Variants in OSBPL1A observed in about 807,000 individuals in gnomAD.
OSBPL1A encodes oxysterol binding protein like 1A, also known as oxysterol-binding protein-related protein 1.
A neutral mutation model predicts 137.1 loss-of-function variants in OSBPL1A; 80 were observed. The observed-to-expected ratio is 0.58, with a 90% CI of 0.49 to 0.70. The LOEUF (loss-of-function observed/expected upper bound fraction) is 0.70, where lower values mean the gene tolerates loss of function less well. Ranked by LOEUF, OSBPL1A falls within the 30% of genes least tolerant of loss-of-function variation. The probability of loss-of-function intolerance (pLI) is 0.00; values close to 1 mark genes in which losing one functional copy is unlikely to be tolerated. For synonymous variants in OSBPL1A, 365 were observed against 389.7 expected, an observed-to-expected ratio of 0.94 and a Z score of 0.75; for missense variants, 970 against 1,129.4, an observed-to-expected ratio of 0.86 and a Z score of 2.02.
intron 7 of OSBPL1A, among the ~76,000 whole-genome samples, chr18:24,320,057 G>T (rs1463214479): frequency 1.3e-5 from 2 of 151,802 alleles, no homozygotes; most frequent in Non-Finnish European, 2.9e-5. Context: ...CTGCACTCCA[G>T]ACTGGGTGAC....
intron 2 of OSBPL1A, among the ~76,000 whole-genome samples, chr18:24,369,873 C>T (rs1465615848): frequency 1.3e-5 from 2 of 152,166 alleles, no homozygotes; most frequent in South Asian, 2.1e-4. Flanking sequence ...CAGGTGGGGT[C>T]CCCCATCCCC....
Position 24,271,633 on chromosome 18 carries a change from C to A in OSBPL1A, c.1281+9209G>T. ...ATACACCCACCTACCTGGGCCAGAT[C>A]CGAGGACCCCGGCTGGCGCGCTCCA... On this transcript the variant is annotated intron_variant, in intron 15 of 27. Coordinates refer to ENST00000319481, the MANE Select transcript of OSBPL1A (RefSeq NM_080597.4). This position sits in a 1 kb window ranked among gnomAD's most constrained non-coding sequence, Gnocchi z 4.0. 1.0e-6 allele frequency: 1 copy of A among 985,800 alleles called. No individual in the cohort carries two copies. Among genetic ancestry groups the A allele is most frequent in the Non-Finnish European group, 1.2e-6 (1 of 830,208 alleles). 61.1% of individuals were successfully genotyped at this position (985,800 alleles called of 1,614,324 possible).
chr18:24,257,297 C>T (rs1004562734), intron 15 of OSBPL1A, among the ~76,000 whole-genome samples: 16 of 152,022 alleles, frequency 1.1e-4, no homozygotes, highest in African/African-American at 1.5e-4. Context: ...ACCAATGGAA[C>T]GGAATACAGA....
intron 6 of OSBPL1A, among the ~76,000 whole-genome samples, chr18:24,333,487 A>T (rs1203358801): frequency 6.6e-6 from 1 of 152,234 alleles, no homozygotes; most frequent in African/African-American, 2.4e-5. Flanking sequence ...AAATGTGTAA[A>T]TGTCAAGGTT....
intron 5 of OSBPL1A, among the ~76,000 whole-genome samples, chr18:24,337,375 TTAACATAACA>T (rs71375133): frequency 9.9e-4 from 140 of 141,408 alleles, no homozygotes; most frequent in South Asian, 3.5e-3. Flanking sequence ...AAACATAACA[TTAACATAACA>T]TAACATAACA....
chr18:24,181,404 A>C (rs964706361), intron 18 of OSBPL1A, 125 bp from the exon 19 acceptor site: 1 of 1,062,930 alleles, frequency 9.4e-7, no homozygotes, highest in Admixed American at 2.7e-5. Flanking sequence ...AAATTTCATC[A>C]ATATTGGTTC....
At chr18:24,308,905 G>A (rs2090561459) in intron 13 of OSBPL1A, among the ~76,000 whole-genome samples, 1 of 152,036 alleles carries the variant, frequency 6.6e-6, no homozygotes, top group Non-Finnish European at 1.5e-5. Flanking sequence ...AGAGTAGCTG[G>A]GACTACAGGC....
intron 2 of OSBPL1A, among the ~76,000 whole-genome samples, chr18:24,376,726 C>A (rs1293537530): frequency 6.6e-6 from 1 of 152,242 alleles, no homozygotes; most frequent in East Asian, 1.9e-4. Flanking sequence ...CCCTGCCCCG[C>A]AGGAAGGCAG....
At chr18:24,262,722 T>TCATGTGACCCTTTCACGGTCACTCTCCCC (rs2089469969) in intron 15 of OSBPL1A, among the ~76,000 whole-genome samples, 1 of 106,124 alleles carries the variant, frequency 9.4e-6, no homozygotes, top group Non-Finnish European at 1.7e-5. Flanking sequence ...CCCCAAGTTC[T>TCATGTGACCCTTTCACGGTCACTCTCCCC]CATGTGCCCC....
At chr18:24,319,498 T>G (rs1222396352) in intron 7 of OSBPL1A, among the ~76,000 whole-genome samples, 3 of 152,134 alleles carry the variant, frequency 2.0e-5, no homozygotes, top group Non-Finnish European at 4.4e-5. Flanking sequence ...GGTCCACAAT[T>G]TAGGACAAAA....
At chr18:24,175,801 T>G (rs2086430400) in intron 21 of OSBPL1A, among the ~76,000 whole-genome samples, 3 of 152,346 alleles carry the variant, frequency 2.0e-5, no homozygotes, top group African/African-American at 4.8e-5. Flanking sequence ...TTTGAGCTGA[T>G]TTTTGTAAAA....
chr18:24,281,095 T>G (rs554861188), intron 14 of OSBPL1A, 147 bp from the exon 15 acceptor site: 1 of 535,904 alleles, frequency 1.9e-6, no homozygotes, highest in East Asian at 3.5e-5. Flanking sequence ...TTCTTTTTTT[T>G]TGTTTTCTTG....
chr18:24,342,626 T>C (rs2146157821), intron 4 of OSBPL1A, among the ~76,000 whole-genome samples: 1 of 152,320 alleles, frequency 6.6e-6, no homozygotes, highest in East Asian at 1.9e-4. Context: ...TAGAATGTTT[T>C]CATAGCAAAA....
At chr18:24,321,326 A>C (rs1315402059) in intron 7 of OSBPL1A, among the ~76,000 whole-genome samples, 1 of 152,162 alleles carries the variant, frequency 6.6e-6, no homozygotes, top group Non-Finnish European at 1.5e-5. Flanking sequence ...GATGTTCCCC[A>C]ACTTACAACA....
chr18:24,361,883 G>A (rs2091625464), intron 4 of OSBPL1A, among the ~76,000 whole-genome samples: 1 of 151,666 alleles, frequency 6.6e-6, no homozygotes, highest in South Asian at 2.1e-4. Flanking sequence ...TGTAATTCCA[G>A]CTACTCAGGA....
intron 16 of OSBPL1A, among the ~76,000 whole-genome samples, chr18:24,236,710 C>T (rs146337196): frequency 6.9e-4 from 105 of 152,228 alleles, no homozygotes; most frequent in Non-Finnish European, 1.1e-3. Context: ...TGAGCCTAGG[C>T]GTTTGGACTG....
At chr18:24,261,290 G>C (rs752359100) in intron 15 of OSBPL1A, among the ~76,000 whole-genome samples, 20 of 152,326 alleles carry the variant, frequency 1.3e-4, no homozygotes, top group Non-Finnish European at 2.6e-4. Flanking sequence ...CAAAGAGGCA[G>C]TAAGGAACTT....
At chr18:24,289,427 T>TTTTG (rs1370033340) in intron 14 of OSBPL1A, among the ~76,000 whole-genome samples, 4 of 144,838 alleles carry the variant, frequency 2.8e-5, no homozygotes, top group African/African-American at 1.0e-4. Context: ...TGTTTTTTTT[T>TTTTG]TTTTTTTTTT....
At position 24,194,711 on chromosome 18, in the gene OSBPL1A, A is replaced by C. The variant is rs77310589; in HGVS notation, c.1677+1414T>G. 6.0e-3 allele frequency among the ~76,000 whole-genome samples: 919 copies of C among 152,268 alleles called. 8 individuals carry two copies. The highest frequency in any genetic ancestry group is 0.021 in the African/African-American group (880 of 41,530). On this transcript the variant is annotated intron_variant, in intron 18 of 27. Transcript: ENST00000319481. ...GGAATAGTTCCAGGCATTTTACATA[A>C]ATTATTTATCGCTCAATACACCTAC...
Sources: gnomAD v4.1 joint callset for allele counts (sites outside exome capture counted in the v4.1 genomes callset) on GRCh38, gnomAD v4.1.1 for gene constraint, Gnocchi (gnomAD v3.1) non-coding constraint, MANE v1.5 for transcripts, NCBI Gene and HGNC (gene_info 2026-07-23, HGNC 2026-07-21) for gene names.